Variants in AEBP2 observed in about 807,000 individuals in gnomAD.
The protein encoded by AEBP2 is AE binding protein 2, also known as zinc finger protein AEBP2.
A neutral mutation model predicts 50.8 loss-of-function variants in AEBP2; 10 were observed. The ratio of observed to expected loss-of-function variants is 0.20; its 90% CI spans 0.12 to 0.33. The LOEUF (loss-of-function observed/expected upper bound fraction) is 0.33. Ranked by LOEUF, AEBP2 falls within the 10% of genes least tolerant of loss-of-function variation. The pLI is 1.00. For missense variants in AEBP2, 570 were observed against 688.0 expected (o/e 0.83, Z 1.92); for synonymous variants, 296 against 261.3 (o/e 1.13, Z -1.28).
intron 1 of AEBP2, among the ~76,000 whole-genome samples, chr12:19,462,151 TCTTA>T (rs1347353652): frequency 4.6e-5 from 7 of 152,286 alleles, no homozygotes; most frequent in Admixed American, 1.3e-4. Flanking sequence ...AGCTGGAAAC[TCTTA>T]CTTTCTTATG....
At chr12:19,512,203 G>A (rs551114489) in intron 5 of AEBP2, among the ~76,000 whole-genome samples, 195 bp from the exon 6 acceptor site, 8 of 152,216 alleles carry the variant, frequency 5.3e-5, no homozygotes, top group Non-Finnish European at 1.2e-4. Context: ...TGTGTTTTTA[G>A]TAGAGACGGG....
chr12:19,496,230 C>T (rs528578412), intron 4 of AEBP2, among the ~76,000 whole-genome samples: 7 of 152,098 alleles, frequency 4.6e-5, no homozygotes, highest in African/African-American at 1.7e-4. Context: ...GTACTGGTGC[C>T]GGCTTAAGTA....
At chr12:19,433,311 C>T (rs927895359) in intron 1 of AEBP2, among the ~76,000 whole-genome samples, 2 of 152,024 alleles carry the variant, frequency 1.3e-5, no homozygotes, top group African/African-American at 4.8e-5. Flanking sequence ...TTGCTTGAAC[C>T]CAGGAGGCAG....
chr12:19,432,119 GTGGAA>G (rs1486882238), intron 1 of AEBP2, among the ~76,000 whole-genome samples: 5 of 152,144 alleles, frequency 3.3e-5, no homozygotes, highest in African/African-American at 9.7e-5. Context: ...ACTCATTTTA[GTGGAA>G]GAGAGAATTA....
intron 1 of AEBP2, among the ~76,000 whole-genome samples, chr12:19,447,068 A>G (rs907336254): frequency 1.3e-5 from 2 of 152,246 alleles, no homozygotes; most frequent in African/African-American, 4.8e-5. Flanking sequence ...AACTGAAAAC[A>G]TGTAGGCAGG....
chr12:19,488,204 A>G (rs1015711422), intron 3 of AEBP2, among the ~76,000 whole-genome samples: 8 of 151,412 alleles, frequency 5.3e-5, no homozygotes, highest in East Asian at 3.9e-4. Flanking sequence ...GCTCACTGCA[A>G]CCTCTGGCTC....
chr12:19,481,277 T>C lies in AEBP2; in HGVS notation c.987+7922T>C, dbSNP rs549446924. On this transcript the variant is annotated intron_variant, in intron 3 of 7. Transcript: ENST00000266508. ...CACCACACCCAGCTAAGTTTTGTAT[T>C]TTTTTAGTAGAGGCAGGGTTTCATC... 2.6e-5 allele frequency among the ~76,000 whole-genome samples: 4 copies of C among 151,100 alleles called. No homozygotes were observed. In the South Asian group the frequency reaches 8.4e-4, roughly 32 times the overall value.
At chr12:19,494,967 T>G (rs1351144067) in intron 4 of AEBP2, among the ~76,000 whole-genome samples, 1 of 152,086 alleles carries the variant, frequency 6.6e-6, no homozygotes, top group Non-Finnish European at 1.5e-5. Context: ...AGCGCAGTGG[T>G]GTGATCTCGG....
chr12:19,440,723 T>C, intron 1 of AEBP2: 1 of 1,530,600 alleles, frequency 6.5e-7, no homozygotes. Flanking sequence ...ACGTCGGTAC[T>C]CAAGGTTAGC....
chr12:19,457,602 A>C, intron 1 of AEBP2: 1 of 1,485,268 alleles, frequency 6.7e-7, no homozygotes, highest in East Asian at 2.3e-5. Context: ...GTACGAATCT[A>C]CGTGTCCAAT....
At chr12:19,479,729 T>TG (rs1948699408) in intron 3 of AEBP2, among the ~76,000 whole-genome samples, 26 of 121,308 alleles carry the variant, frequency 2.1e-4, no homozygotes, top group Admixed American at 1.7e-3. Context: ...TTTTTTTTTT[T>TG]TTTTTTTTTT....
intron 1 of AEBP2, 188 bp downstream of exon 1, chr12:19,440,558 C>T: frequency 1.4e-6 from 2 of 1,390,258 alleles, no homozygotes; most frequent in Non-Finnish European, 1.9e-6. Flanking sequence ...TCGCGGCTTC[C>T]AACTCTCAAA....
chr12:19,434,944 G>C (rs2095753413), upstream of AEBP2, among the ~76,000 whole-genome samples: 1 of 152,092 alleles, frequency 6.6e-6, no homozygotes, highest in South Asian at 2.1e-4. Context: ...TTGTGGCTTT[G>C]ATACTTGCCA....
At position 19,510,609 on chromosome 12, in the gene AEBP2, G is replaced by A. The variant is rs576377650; in HGVS notation, c.1300-1789G>A. Among the ~76,000 whole-genome samples the A allele has an allele frequency of 2.6e-5, 4 of 152,298 alleles. No individual in the cohort carries two copies. In the East Asian group the frequency reaches 5.8e-4, roughly 22 times the overall value. Reference sequence around the variant, plus strand: ...TGCTGAATATGTAAATGAATGTTTAGTAATTTGTTTTATATAGAGCCAAAG... The same window carrying A: ...TGCTGAATATGTAAATGAATGTTTAATAATTTGTTTTATATAGAGCCAAAG... On this transcript the variant is annotated intron_variant, in intron 5 of 7. Coordinates refer to ENST00000266508, the MANE Select transcript of AEBP2 (RefSeq NM_153207.5).
At chr12:19,516,215 A>T (rs1949315770) in intron 7 of AEBP2, among the ~76,000 whole-genome samples, 1 of 152,210 alleles carries the variant, frequency 6.6e-6, no homozygotes, top group South Asian at 2.1e-4. Context: ...AAATTTGGGA[A>T]GGTTACGAGT....
chr12:19,430,382 T>C (rs1477786280), intron 1 of AEBP2, among the ~76,000 whole-genome samples: 2 of 152,182 alleles, frequency 1.3e-5, no homozygotes, highest in Non-Finnish European at 2.9e-5. Flanking sequence ...ACTGTAGTCT[T>C]GTAGTATAGT....
intron 3 of AEBP2, among the ~76,000 whole-genome samples, chr12:19,481,254 C>G (rs1424266872): frequency 6.7e-6 from 1 of 150,346 alleles, no homozygotes; most frequent in African/African-American, 2.5e-5. Flanking sequence ...GTGCCCACCA[C>G]CACACCCAGC....
chr12:19,505,424 C>T (rs141877579), intron 5 of AEBP2, among the ~76,000 whole-genome samples: 4 of 152,152 alleles, frequency 2.6e-5, no homozygotes, highest in Non-Finnish European at 5.9e-5. Context: ...TTAAAACCAA[C>T]CAAACAAAAA....
intron 2 of AEBP2, 146 bp downstream of exon 2, chr12:19,462,863 TC>T: frequency 1.4e-6 from 1 of 736,430 alleles, no homozygotes; most frequent in Non-Finnish European, 2.2e-6. Flanking sequence ...AATAATTATT[TC>T]CCATATACTT....
Sources: gnomAD v4.1 joint callset for allele counts (sites outside exome capture counted in the v4.1 genomes callset) on GRCh38, gnomAD v4.1.1 for gene constraint, MANE v1.5 for transcripts, NCBI Gene and HGNC (gene_info 2026-07-23, HGNC 2026-07-21) for gene names.